A1CF: variants seen among roughly 807,000 people sequenced by gnomAD.
A1CF encodes APOBEC1 complementation factor, also known as APOBEC-1 stimulating protein.
A neutral mutation model predicts 68.9 loss-of-function variants in A1CF; 48 were observed. The observed-to-expected ratio is 0.70, with a 90% confidence interval of 0.55 to 0.89. The LOEUF is 0.89. Among genes scored for constraint, A1CF ranks in the 40% least tolerant of loss-of-function variants. The probability of loss-of-function intolerance (pLI) is 0.00; values close to 1 mark genes in which losing one functional copy is unlikely to be tolerated. For synonymous variants in A1CF, 272 were observed against 260.4 expected, an observed-to-expected ratio of 1.04 and a Z score of -0.43; for missense variants, 653 against 718.9, an observed-to-expected ratio of 0.91 and a Z score of 1.05.
intron 7 of A1CF, among the ~76,000 whole-genome samples, chr10:50,821,612 C>T (rs1179511527): frequency 2.6e-5 from 4 of 151,852 alleles, no homozygotes; most frequent in Non-Finnish European, 5.9e-5. Flanking sequence ...CTCAGCTCAC[C>T]GCAACCCACC....
intron 1 of A1CF, among the ~76,000 whole-genome samples, chr10:50,865,990 G>T (rs1175047935): frequency 6.6e-6 from 1 of 152,174 alleles, no homozygotes; most frequent in Non-Finnish European, 1.5e-5. Context: ...GTGCTTAATT[G>T]ATACTTTTAG....
intron 6 of A1CF, among the ~76,000 whole-genome samples, chr10:50,835,785 T>C (rs575851058): frequency 1.3e-5 from 2 of 152,208 alleles, no homozygotes; most frequent in Admixed American, 1.3e-4. Context: ...CTGTGATTGA[T>C]ATACTTAATT....
At chr10:50,820,785 A>G (rs1838615595) in intron 7 of A1CF, 136 bp from the exon 8 acceptor site, 2 of 562,390 alleles carry the variant, frequency 3.6e-6, no homozygotes, top group African/African-American at 1.9e-5. Context: ...TCTCATCAAG[A>G]ACATTCAACA....
intron 4 of A1CF, 134 bp from the exon 5 acceptor site, chr10:50,842,126 G>C: frequency 2.7e-6 from 2 of 734,076 alleles, no homozygotes; most frequent in Non-Finnish European, 4.3e-6. Flanking sequence ...AGTACTATTT[G>C]GCATTTGCAT....
chr10:50,842,257 T>C (rs950509636), intron 4 of A1CF, among the ~76,000 whole-genome samples: 2 of 152,222 alleles, frequency 1.3e-5, no homozygotes, highest in South Asian at 4.1e-4. Context: ...ACAGAATGTG[T>C]TTTTGGTAGG....
intron 2 of A1CF, 96 bp downstream of exon 2, chr10:50,863,937 C>T (rs1428112454): frequency 6.6e-6 from 1 of 152,140 alleles, no homozygotes; most frequent in Admixed American, 6.5e-5. Flanking sequence ...TTGATCATTA[C>T]ACATTGTATA....
intron 7 of A1CF, among the ~76,000 whole-genome samples, chr10:50,821,942 A>C (rs1838697754): frequency 6.6e-6 from 1 of 152,236 alleles, no homozygotes; most frequent in South Asian, 2.1e-4. Context: ...CACAAATATA[A>C]ATACACTCAT....
chr10:50,809,909 C>T lies in A1CF; in HGVS notation c.1594G>A (p.Ala532Thr). The T allele has an allele frequency of 6.6e-7, 1 of 1,514,444 alleles. No homozygotes were observed. The highest frequency in any genetic ancestry group is 9.1e-7 in the Non-Finnish European group (1 of 1,093,996). The allele number at this position is 1,514,444 out of a possible 1,614,324, so 93.8% of individuals were successfully genotyped here. Residue 532 changes from alanine to threonine, a missense_variant, in exon 12 of 13, where the codon GCT becomes ACT. Transcript: ENST00000373997. ...TTTCCCATACCTGGGAAAGCAGTAG[C>T]AGCAGCAGCAGCAGTAGCCATGGTG... ...DGTMATAAAA[A>T]TAFPGYAVPN... is the part of the protein sequence containing the mutation.
chr10:50,800,474 A>G lies in A1CF; in HGVS notation c.*6255T>C, dbSNP rs1015609606. 8.5e-5 allele frequency: 13 copies of G among 152,190 alleles called. No homozygotes were observed. The highest frequency in any genetic ancestry group is 1.9e-4 in the Non-Finnish European group (13 of 68,030). 9.4% of individuals were successfully genotyped at this position (152,190 alleles called of 1,614,324 possible). On this transcript the variant is annotated 3_prime_UTR_variant, in exon 13 of 13. Coordinates refer to ENST00000373997, the MANE Select transcript of A1CF (RefSeq NM_014576.4). ...TTCAGAATTCTAAGTGGCAAAACCT[A>G]TCAGGTGTTGCAATTATATTCAATT...
At chr10:50,837,943 C>A (rs769688430) in intron 5 of A1CF, among the ~76,000 whole-genome samples, 1 of 152,074 alleles carries the variant, frequency 6.6e-6, no homozygotes, top group Non-Finnish European at 1.5e-5. Context: ...TCTGGAAAGA[C>A]AATAAAATAT....
At chr10:50,823,233 A>G (rs1025553001) in intron 7 of A1CF, among the ~76,000 whole-genome samples, 1 of 152,178 alleles carries the variant, frequency 6.6e-6, no homozygotes, top group African/African-American at 2.4e-5. Flanking sequence ...CTGTGTCATA[A>G]AAGTTGGTTT....
At chr10:50,861,317 A>G (rs1019543239) in intron 2 of A1CF, among the ~76,000 whole-genome samples, 1 of 150,350 alleles carries the variant, frequency 6.7e-6, no homozygotes, top group African/African-American at 2.4e-5. Context: ...TAGTACTACT[A>G]TTACTGATAG....
intron 1 of A1CF, among the ~76,000 whole-genome samples, chr10:50,881,167 T>G (rs989881348): frequency 2.6e-5 from 4 of 152,148 alleles, no homozygotes; most frequent in African/African-American, 7.2e-5. Context: ...TTTTTGTATT[T>G]TTCTGGAGGT....
rs555220712 is a variant in A1CF at position 50,833,400 on chromosome 10, C to T, written c.604+2674G>A. Among the ~76,000 whole-genome samples the T allele has an allele frequency of 4.6e-5, 7 of 152,280 alleles. No individual in the cohort carries two copies. The South Asian group carries it at 1.2e-3, about 27-fold the overall frequency. On this transcript the variant is annotated intron_variant, in intron 6 of 12. Coordinates refer to ENST00000373997, the MANE Select transcript of A1CF (RefSeq NM_014576.4). ...ATTGAGAATCACTGCCAGGACTTTTCTTCAGAGCATTCTTAGAACACCTTT... is the reference window on the plus strand; with the variant it reads ...ATTGAGAATCACTGCCAGGACTTTTTTTCAGAGCATTCTTAGAACACCTTT...
chr10:50,856,257 A>G (rs926773472), intron 3 of A1CF, among the ~76,000 whole-genome samples: 7 of 152,030 alleles, frequency 4.6e-5, no homozygotes, highest in Non-Finnish European at 8.8e-5. Context: ...TGTCATAGGG[A>G]CTAGATTAGA....
At chr10:50,881,053 G>A (rs1278368518) in intron 1 of A1CF, among the ~76,000 whole-genome samples, 4 of 151,412 alleles carry the variant, frequency 2.6e-5, no homozygotes, top group African/African-American at 7.3e-5. Flanking sequence ...GCAATGGTGC[G>A]ATCTCGGCTC....
rs138398967 is a variant in A1CF at position 50,814,276 on chromosome 10, C to T, written c.1142-238G>A. ...AAACTACCTTCAGAAGAAAACAATG[C>T]CATTGATAAATACAATACTATTGAT... On this transcript the variant is annotated intron_variant, in intron 9 of 12. Coordinates refer to ENST00000373997, the MANE Select transcript of A1CF (RefSeq NM_014576.4). 3.9e-4 allele frequency among the ~76,000 whole-genome samples: 60 copies of T among 152,122 alleles called. 1 individual carries two copies. The East Asian group carries it at 0.011, about 27-fold the overall frequency.
rs1010813787 is a variant in A1CF, at chr10:50,804,009, T to A, written c.*2720A>T. ...ACTTATGGTAGCAGGACTTGCTCTATCTACCTAACTTGGGGAAAGTAAAAA... is the reference window on the plus strand; with the variant it reads ...ACTTATGGTAGCAGGACTTGCTCTAACTACCTAACTTGGGGAAAGTAAAAA... On this transcript the variant is annotated 3_prime_UTR_variant, in exon 13 of 13. Coordinates refer to ENST00000373997, the MANE Select transcript of A1CF (RefSeq NM_014576.4). The A allele has an allele frequency of 2.0e-5, 3 of 152,200 alleles. No individual in the cohort carries two copies. The highest frequency in any genetic ancestry group is 7.2e-5 in the African/African-American group (3 of 41,458). The allele number at this position is 152,200 out of a possible 1,614,324, so 9.4% of individuals were successfully genotyped here.
chr10:50,829,531 C>T (rs12780322), intron 6 of A1CF, among the ~76,000 whole-genome samples: 4,161 of 152,112 alleles, frequency 0.027, 88 homozygotes, highest in Non-Finnish European at 0.041. Context: ...TAAAAGCATC[C>T]GTGGCCCTGG....
Sources: allele counts gnomAD v4.1 joint callset (sites outside exome capture counted in the v4.1 genomes callset), GRCh38; gene constraint gnomAD v4.1.1; transcripts MANE v1.5; gene names NCBI Gene and HGNC (gene_info 2026-07-23, HGNC 2026-07-21).